The following GAP43 variants were observed in gnomAD, a reference collection of about 807,000 sequenced individuals.
GAP43 encodes the protein neuromodulin.
A neutral mutation model predicts 18.6 loss-of-function variants in GAP43; 6 were observed. That is an observed-to-expected ratio of 0.32 (90% CI 0.18 to 0.64). GAP43 has a LOEUF of 0.64. Ranked by LOEUF, GAP43 falls within the 30% of genes least tolerant of loss-of-function variation. The pLI, the probability that GAP43 is intolerant of heterozygous loss-of-function variation, is 0.78. For missense variants in GAP43, 292 were observed against 295.5 expected (o/e 0.99, Z 0.09); for synonymous variants, 115 against 111.4 (o/e 1.03, Z -0.20).
At chr3:115,697,241 T>C (rs1559803866) in intron 2 of GAP43, among the ~76,000 whole-genome samples, 1 of 152,178 alleles carries the variant, frequency 6.6e-6, no homozygotes, top group Non-Finnish European at 1.5e-5. Context: ...TTTTTTGTTT[T>C]ATTATTATTT....
At chr3:115,697,114 C>T (rs946293812) in intron 2 of GAP43, among the ~76,000 whole-genome samples, 4 of 152,148 alleles carry the variant, frequency 2.6e-5, no homozygotes, top group Non-Finnish European at 5.9e-5. Flanking sequence ...GCTGGGATTA[C>T]AGGCATGAGC....
rs530500717 is a variant in GAP43 at position 115,695,690 on chromosome 3, T to C, written c.628+19080T>C. On this transcript the variant is annotated intron_variant, in intron 2 of 2. Transcript: ENST00000305124. ...ATACTCTCTCCAATTTGTTTCTTCCTATTCTGCGTTTAATCCACAACAATC... is the reference window on the plus strand; with the variant it reads ...ATACTCTCTCCAATTTGTTTCTTCCCATTCTGCGTTTAATCCACAACAATC... Among the ~76,000 whole-genome samples, 4 of 152,310 alleles carry C rather than the reference T, an allele frequency of 2.6e-5. No homozygotes were observed. The East Asian group carries it at 7.7e-4, about 29-fold the overall frequency.
At position 115,623,586 on chromosome 3, in the gene GAP43, G is replaced by C; in HGVS notation, c.-104G>C. The stretch of plus-strand genomic sequence containing the variant: ...GGAGAGAGAGCGCGCTAGCGCGAGA[G>C]AGCGAGTGAGCAAGCGAGCAGAAAA... On this transcript the variant is annotated 5_prime_UTR_variant, in exon 1 of 3. Transcript: ENST00000305124. The C allele has an allele frequency of 6.8e-7, 1 of 1,465,144 alleles. No homozygotes were observed. The highest frequency in any genetic ancestry group is 9.5e-7 in the Non-Finnish European group (1 of 1,052,852). 90.8% of individuals were successfully genotyped at this position (1,465,144 alleles called of 1,614,324 possible).
At chr3:115,634,756 C>A (rs1052334119) in intron 1 of GAP43, among the ~76,000 whole-genome samples, 4 of 151,670 alleles carry the variant, frequency 2.6e-5, no homozygotes, top group Non-Finnish European at 4.4e-5. Flanking sequence ...GGTGACAGAG[C>A]GAGACTCTGT....
chr3:115,661,831 C>CTTTGTTTTTTTTTT (rs780627070), intron 1 of GAP43, among the ~76,000 whole-genome samples: 1 of 105,970 alleles, frequency 9.4e-6, no homozygotes, highest in African/African-American at 4.1e-5. Context: ...GAAACTAGGG[C>CTTTGTTTTTTTTTT]TTTTTTTTTT....
At chr3:115,657,776 C>CG (rs1708602280) in intron 1 of GAP43, among the ~76,000 whole-genome samples, 1 of 152,070 alleles carries the variant, frequency 6.6e-6, no homozygotes, top group South Asian at 2.1e-4. Flanking sequence ...AGGCTAGCCT[C>CG]GAACTCCTGA....
chr3:115,691,010 CTCCCAAAA>C (rs1476607160), intron 2 of GAP43, among the ~76,000 whole-genome samples: 1 of 151,926 alleles, frequency 6.6e-6, no homozygotes, highest in Admixed American at 6.5e-5. Flanking sequence ...CCGCCTCGGC[CTCCCAAAA>C]TCCTGGGATT....
intron 1 of GAP43, among the ~76,000 whole-genome samples, chr3:115,662,836 A>C (rs1576986474): frequency 6.6e-6 from 1 of 152,214 alleles, no homozygotes; most frequent in Non-Finnish European, 1.5e-5. Context: ...ATTGACCTCA[A>C]GACTGCAGAA....
intron 2 of GAP43, among the ~76,000 whole-genome samples, chr3:115,700,836 T>C (rs1366223396): frequency 2.2e-4 from 33 of 152,152 alleles, no homozygotes; most frequent in Non-Finnish European, 2.9e-5. Context: ...ATCTCAGTAA[T>C]TACACAGGAT....
intron 1 of GAP43, among the ~76,000 whole-genome samples, chr3:115,664,601 A>G (rs747543827): frequency 1.3e-5 from 2 of 152,228 alleles, no homozygotes; most frequent in Non-Finnish European, 2.9e-5. Flanking sequence ...TTTTGACCCC[A>G]AAACCATGCC....
At chr3:115,674,223 G>A (rs1184385134) in intron 1 of GAP43, among the ~76,000 whole-genome samples, 2 of 152,180 alleles carry the variant, frequency 1.3e-5, no homozygotes, top group African/African-American at 4.8e-5. Context: ...GTCTTTTGAG[G>A]GAAAGTTGCT....
chr3:115,630,139 C>T (rs1708243904), intron 1 of GAP43, among the ~76,000 whole-genome samples: 1 of 152,206 alleles, frequency 6.6e-6, no homozygotes, highest in African/African-American at 2.4e-5. Flanking sequence ...GCACTCACTG[C>T]TTTGCTTCAC....
intron 1 of GAP43, among the ~76,000 whole-genome samples, chr3:115,641,558 TC>T (rs1237520375): frequency 6.9e-6 from 1 of 144,116 alleles, no homozygotes; most frequent in Non-Finnish European, 1.5e-5. Context: ...CTTTCCTGTT[TC>T]CCTAGAGACT....
intron 1 of GAP43, among the ~76,000 whole-genome samples, chr3:115,650,092 A>T (rs1266239937): frequency 6.6e-6 from 1 of 152,170 alleles, no homozygotes; most frequent in Non-Finnish European, 1.5e-5. Flanking sequence ...TCAGATGATT[A>T]TGATGCTTGC....
rs546127205 is a variant in GAP43, at chr3:115,653,837, G to T, written c.31-22176G>T. Among the ~76,000 whole-genome samples, 51 of 151,890 alleles carry T rather than the reference G, an allele frequency of 3.4e-4. No homozygotes were observed. In the South Asian group the frequency reaches 8.9e-3, roughly 27 times the overall value. On this transcript the variant is annotated intron_variant, in intron 1 of 2. Coordinates refer to ENST00000305124, the MANE Select transcript of GAP43 (RefSeq NM_002045.4). Reference sequence around the variant, plus strand: ...TATATTAAAAATAACACTTTGCCTTGTTCATATTTAATGAATTTTCCTATG... The same window carrying T: ...TATATTAAAAATAACACTTTGCCTTTTTCATATTTAATGAATTTTCCTATG...
intron 2 of GAP43, among the ~76,000 whole-genome samples, chr3:115,676,853 G>C (rs1158721895): frequency 2.6e-5 from 4 of 152,302 alleles, no homozygotes; most frequent in African/African-American, 9.6e-5. Context: ...GCCAGTACTA[G>C]AAAGATCTGG....
intron 2 of GAP43, among the ~76,000 whole-genome samples, chr3:115,716,089 T>C (rs1709498946): frequency 6.6e-6 from 1 of 152,226 alleles, no homozygotes; most frequent in Middle Eastern, 3.2e-3. Context: ...TATAGCTAAA[T>C]ACTTTATACA....
intron 2 of GAP43, among the ~76,000 whole-genome samples, chr3:115,682,400 T>A (rs1401738939): frequency 6.6e-6 from 1 of 152,198 alleles, no homozygotes; most frequent in Non-Finnish European, 1.5e-5. Context: ...CTACCCTAAG[T>A]TTAGCTTATC....
intron 1 of GAP43, among the ~76,000 whole-genome samples, chr3:115,673,132 G>T (rs1708836133): frequency 1.3e-5 from 2 of 152,088 alleles, no homozygotes; most frequent in Non-Finnish European, 2.9e-5. Context: ...TCTAGTCTTA[G>T]CCTTTCTAAA....
Sources: gnomAD v4.1 joint callset for allele counts (sites outside exome capture counted in the v4.1 genomes callset) on GRCh38, gnomAD v4.1.1 for gene constraint, MANE v1.5 for transcripts, NCBI Gene and HGNC (gene_info 2026-07-23, HGNC 2026-07-21) for gene names.